The following EDNRA variants were observed in gnomAD, a reference collection of about 807,000 sequenced individuals.
EDNRA encodes endothelin receptor type A.
A neutral mutation model predicts 41.4 loss-of-function variants in EDNRA; 11 were observed. The ratio of observed to expected loss-of-function variants is 0.27; its 90% CI spans 0.17 to 0.44. The LOEUF (loss-of-function observed/expected upper bound fraction) is 0.44, where lower values mean the gene tolerates loss of function less well. EDNRA is among the 20% of genes least tolerant of loss of function. EDNRA has a pLI of 1.00. For synonymous variants in EDNRA, 172 were observed against 183.0 expected (o/e 0.94, Z 0.49); for missense variants, 294 against 531.0 (o/e 0.55, Z 4.39).
intron 2 of EDNRA, chr4:147,495,959 C>T (rs756226853): frequency 2.6e-5 from 4 of 152,294 alleles, no homozygotes; most frequent in East Asian, 1.9e-4. Context: ...GCATATAAAA[C>T]GTACCTTTTG....
rs1728982973 is a variant in EDNRA, at chr4:147,487,371, CAGAT to C, written c.420+1272_420+1275del. Among the ~76,000 whole-genome samples, 4 of 152,168 alleles carry C rather than the reference CAGAT, an allele frequency of 2.6e-5. No individual in the cohort carries two copies. The South Asian group carries it at 8.3e-4, about 32-fold the overall frequency. ...GGAGGGAAAAATTGCTGCAAGAATT[CAGAT>C]ATACTAAAATTCAAATGAAATGGCC... On this transcript the variant is annotated intron_variant, in intron 2 of 7. Coordinates refer to ENST00000651419, the MANE Select transcript of EDNRA (RefSeq NM_001957.4).
In EDNRA at chr4:147,542,468, C is replaced by G; in HGVS notation, c.1144-10C>G. 1 of 1,614,066 alleles carries G rather than the reference C, an allele frequency of 6.2e-7. No individual in the cohort carries two copies. The stretch of plus-strand genomic sequence containing the variant: ...GGCTCGCCTTACTTCGAGTCTGTTC[C>G]TTCCCCCAGTCATGCCTCTGCTGCT... On this transcript the variant is annotated splice_polypyrimidine_tract_variant and intron_variant, in intron 7 of 7. Transcript: ENST00000651419.
chr4:147,499,707 T>G (rs536811038), intron 2 of EDNRA, among the ~76,000 whole-genome samples: 1 of 151,528 alleles, frequency 6.6e-6, no homozygotes, highest in African/African-American at 2.4e-5. Flanking sequence ...ATGTTTCAGT[T>G]AAGAAAAAGA....
intron 3 of EDNRA, among the ~76,000 whole-genome samples, chr4:147,526,170 G>A (rs557031140): frequency 6.6e-6 from 1 of 152,152 alleles, no homozygotes; most frequent in African/African-American, 2.4e-5. Flanking sequence ...TGAGTTATTT[G>A]TTCTTTTATC....
At chr4:147,504,132 A>C (rs1313952209) in intron 2 of EDNRA, among the ~76,000 whole-genome samples, 2 of 151,834 alleles carry the variant, frequency 1.3e-5, no homozygotes, top group East Asian at 1.9e-4. Flanking sequence ...TAGCCTCACA[A>C]AAAAAAATGT....
chr4:147,492,600 A>T (rs145904787), intron 2 of EDNRA: 1 of 151,764 alleles, frequency 6.6e-6, no homozygotes, highest in Non-Finnish European at 1.5e-5. Context: ...TGTAGTTTTG[A>T]TTGAAATATT....
chr4:147,532,744 A>C (rs1730793520), intron 4 of EDNRA, 40 bp downstream of exon 4: 1 of 1,600,106 alleles, frequency 6.2e-7, no homozygotes, highest in African/African-American at 1.3e-5. Flanking sequence ...GGAAGGGAGG[A>C]GGTCCTCCGT....
intron 3 of EDNRA, among the ~76,000 whole-genome samples, chr4:147,530,370 G>C (rs1011542584): frequency 1.1e-4 from 17 of 151,968 alleles, no homozygotes; most frequent in African/African-American, 3.9e-4. Flanking sequence ...GTTTAACAAG[G>C]GAACAAAGAA....
intron 2 of EDNRA, chr4:147,489,301 T>C (rs1421850590): frequency 6.6e-6 from 1 of 152,206 alleles, no homozygotes; most frequent in Non-Finnish European, 1.5e-5. Context: ...TTTCTCATCA[T>C]CCACTCTTAG....
At chr4:147,529,532 G>C (rs1459328457) in intron 3 of EDNRA, among the ~76,000 whole-genome samples, 1 of 152,170 alleles carries the variant, frequency 6.6e-6, no homozygotes, top group African/African-American at 2.4e-5. Context: ...GGAATGGCCA[G>C]TAAGTCAGAA....
rs142923103 is a variant in EDNRA, at chr4:147,500,330, T to C, written c.420+14229T>C. On this transcript the variant is annotated intron_variant, in intron 2 of 7. Coordinates refer to ENST00000651419, the MANE Select transcript of EDNRA (RefSeq NM_001957.4). ...AAAGTGGGGGATAAGATAAGAAATA[T>C]CTCATGTTCCATTTTTTAACATTAG... Among the ~76,000 whole-genome samples the C allele has an allele frequency of 3.8e-3, 582 of 152,336 alleles. 3 individuals carry two copies. Among genetic ancestry groups the C allele is most frequent in the Middle Eastern group, 6.8e-3 (2 of 294 alleles).
At chr4:147,542,377 G>A (rs982129497) in intron 7 of EDNRA, 101 bp from the exon 8 acceptor site, 13 of 1,519,846 alleles carry the variant, frequency 8.6e-6, no homozygotes, top group African/African-American at 6.9e-5. Flanking sequence ...CCTCGAATGC[G>A]AATGGACATT....
At chr4:147,490,442 A>T (rs1190196948) in intron 2 of EDNRA, 2 of 152,212 alleles carry the variant, frequency 1.3e-5, no homozygotes, top group East Asian at 3.9e-4. Context: ...AGGAGTTAGC[A>T]GATTTTTTCA....
chr4:147,518,947 G>A lies in EDNRA; in HGVS notation c.421-904G>A, dbSNP rs183780737. ...GCTATTATTTAAGCCCATGCTCCTA[G>A]TATAATACCTAATTAGACAAATACA... is the stretch of plus-strand genomic sequence containing the variant. On this transcript the variant is annotated intron_variant, in intron 2 of 7. Transcript: ENST00000651419. Among the ~76,000 whole-genome samples, 407 of 152,296 alleles carry A rather than the reference G, an allele frequency of 2.7e-3. 1 individual carries two copies. The highest frequency in any genetic ancestry group is 9.4e-3 in the African/African-American group (389 of 41,568).
intron 2 of EDNRA, among the ~76,000 whole-genome samples, chr4:147,508,451 A>T (rs1451530687): frequency 6.6e-6 from 1 of 152,132 alleles, no homozygotes; most frequent in African/African-American, 2.4e-5. Flanking sequence ...AAGAGCAAAA[A>T]TTCTTATTTT....
In EDNRA at chr4:147,535,957, C is replaced by T. The variant is rs140752065; in HGVS notation, c.828C>T (p.Thr276=). ...MPLVCTAIFY[T]LMTCEMLNRR... ...TGGTGTGCACTGCGATCTTCTACAC[C>T]CTCATGACTTGTGAGATGTTGAACA... Residue 276 remains threonine, a synonymous_variant, in exon 5 of 8, where the codon ACC becomes ACT. Transcript: ENST00000651419. 323 of 1,613,862 alleles carry T rather than the reference C, an allele frequency of 2.0e-4. No homozygotes were observed. The highest frequency in any genetic ancestry group is 2.5e-4 in the Non-Finnish European group (293 of 1,179,918).
At chr4:147,504,674 C>T (rs1261508087) in intron 2 of EDNRA, among the ~76,000 whole-genome samples, 1 of 152,052 alleles carries the variant, frequency 6.6e-6, no homozygotes, top group Non-Finnish European at 1.5e-5. Context: ...AAGACAACAG[C>T]CGGGTGCGGT....
chr4:147,500,591 G>GCCTGCAGT (rs1046189159), intron 2 of EDNRA, among the ~76,000 whole-genome samples: 4 of 152,140 alleles, frequency 2.6e-5, no homozygotes, highest in African/African-American at 9.7e-5. Flanking sequence ...GGTGGCACAT[G>GCCTGCAGT]CCTGCAGTCC....
At chr4:147,510,323 T>G (rs1316853305) in intron 2 of EDNRA, among the ~76,000 whole-genome samples, 1 of 152,154 alleles carries the variant, frequency 6.6e-6, no homozygotes, top group Non-Finnish European at 1.5e-5. Context: ...TTTGTATATT[T>G]TTTGTTCTAC....
Sources: allele counts gnomAD v4.1 joint callset (sites outside exome capture counted in the v4.1 genomes callset), GRCh38; gene constraint gnomAD v4.1.1; transcripts MANE v1.5; gene names NCBI Gene and HGNC (gene_info 2026-07-23, HGNC 2026-07-21).